Variants in RAB17 observed in about 807,000 individuals in gnomAD.
RAB17 encodes the protein RAB17, member RAS oncogene family, also known as ras-related protein Rab-17.
In RAB17, 15 loss-of-function variants were observed where a neutral mutation model predicts 19.3. That is an observed-to-expected ratio of 0.78 (90% CI 0.52 to 1.20). RAB17 has a LOEUF of 1.20. RAB17 is among the 50% of genes most tolerant of loss of function. The probability of loss-of-function intolerance (pLI) is 0.00; values close to 1 mark genes in which losing one functional copy is unlikely to be tolerated. For synonymous variants in RAB17, 110 were observed against 112.8 expected (o/e 0.97, Z 0.16); for missense variants, 262 against 269.3 (o/e 0.97, Z 0.19).
intron 2 of RAB17, among the ~76,000 whole-genome samples, chr2:237,582,523 G>A (rs569561616): frequency 2.0e-5 from 3 of 152,184 alleles, no homozygotes; most frequent in African/African-American, 7.2e-5. Context: ...CCCTCCCTCG[G>A]GGATCCTGCA....
At chr2:237,575,184 C>T in intron 5 of RAB17, 56 bp from the exon 6 acceptor site, 1 of 1,455,364 alleles carries the variant, frequency 6.9e-7, no homozygotes, top group Admixed American at 1.8e-5. Flanking sequence ...CAGCCCAGCA[C>T]AGCCCTGCAG....
At chr2:237,576,587 C>T (rs995623001) in intron 4 of RAB17, 6 of 471,146 alleles carry the variant, frequency 1.3e-5, no homozygotes, top group Admixed American at 4.7e-5. Context: ...GAGGCGCGCC[C>T]GTCGGTCTAA....
At chr2:237,577,817 C>G (rs577303552) in intron 3 of RAB17, 187 bp downstream of exon 3, 1 of 656,842 alleles carries the variant, frequency 1.5e-6, no homozygotes. Flanking sequence ...TTGTGGACCA[C>G]GGAGGAGCAG....
intron 5 of RAB17, 45 bp downstream of exon 5, chr2:237,575,342 G>T (rs370434872): frequency 4.0e-6 from 6 of 1,495,392 alleles, no homozygotes; most frequent in Non-Finnish European, 5.5e-6. Flanking sequence ...AGTTGGTCAG[G>T]GACAAGCACC....
intron 5 of RAB17, 99 bp downstream of exon 5, chr2:237,575,288 A>G: frequency 9.0e-7 from 1 of 1,110,378 alleles, no homozygotes; most frequent in Non-Finnish European, 1.3e-6. Context: ...GTCCCTAAAG[A>G]CATTCTATGG....
chr2:237,578,167 A>T lies in RAB17; in HGVS notation c.158-12T>A, dbSNP rs754746920. On this transcript the variant is annotated splice_polypyrimidine_tract_variant and intron_variant, in intron 2 of 5. Transcript: ENST00000264601. Reference sequence around the variant, plus strand: ...TGTGAAGAACGCACCTGAAACAGGGAGGCCCAGAGGGCTTACTCAGAGGAC... The same window carrying T: ...TGTGAAGAACGCACCTGAAACAGGGTGGCCCAGAGGGCTTACTCAGAGGAC... 6.2e-7 allele frequency: 1 copy of T among 1,603,560 alleles called. No homozygotes were observed. Among genetic ancestry groups the T allele is most frequent in the Non-Finnish European group, 8.5e-7 (1 of 1,171,810 alleles).
chr2:237,575,024 G>A lies in RAB17; in HGVS notation c.634C>T (p.His212Tyr), dbSNP rs745550540. Residue 212 changes from histidine (H) to tyrosine (Y), a missense_variant, in exon 6 of 6, where the codon CAC becomes TAC. Physicochemically the swap from His to Tyr is moderately conservative, Grantham distance 83 (BLOSUM62 2). Coordinates refer to ENST00000264601, the MANE Select transcript of RAB17 (RefSeq NM_022449.4). Reference protein sequence around the residue: ...GPARQAKCCAH With the variant: ...GPARQAKCCAY ...GCCCCCAGGAGTGGCTGCACCTAGT[G>A]GGCGCAGCATTTGGCCTGCCTCGCG... 13 of 1,607,922 alleles carry A rather than the reference G, an allele frequency of 8.1e-6. No individual in the cohort carries two copies. The African/African-American group carries it at 1.1e-4, about 13-fold the overall frequency.
chr2:237,576,242 C>T lies in RAB17; in HGVS notation c.436-762G>A, dbSNP rs114087631. Among the ~76,000 whole-genome samples the T allele has an allele frequency of 6.1e-3, 922 of 152,246 alleles. 2 individuals carry two copies. The highest frequency in any genetic ancestry group is 0.012 in the African/African-American group (490 of 41,564). ...CTCCTGTCCTGGCCCGGAGATCCCT[C>T]GGCCGGCCCTGCATTTGTCCCCACT... On this transcript the variant is annotated intron_variant, in intron 4 of 5. Transcript: ENST00000264601.
rs545195707 is a variant in RAB17, at chr2:237,575,665, G to T, written c.436-185C>A. On this transcript the variant is annotated intron_variant, in intron 4 of 5. Coordinates refer to ENST00000264601, the MANE Select transcript of RAB17 (RefSeq NM_022449.4). ...CCAGGACCAGGGAGGGGCGGGGTGTGCTCCCTGGAAGAGGCTCTTCCTCTA... is the reference window on the plus strand; with the variant it reads ...CCAGGACCAGGGAGGGGCGGGGTGTTCTCCCTGGAAGAGGCTCTTCCTCTA... 7.5e-5 allele frequency: 43 copies of T among 570,788 alleles called. No homozygotes were observed. In the South Asian group the frequency reaches 8.8e-4, roughly 12 times the overall value. The allele number at this position is 570,788 out of a possible 1,614,324, so 35.4% of individuals were successfully genotyped here. A position where few individuals can be genotyped will look rare whatever the true frequency, so the allele number is the denominator to read the frequency against.
At chr2:237,590,292 G>A (rs1387278467) in intron 1 of RAB17, among the ~76,000 whole-genome samples, 175 bp downstream of exon 1, 2 of 151,938 alleles carry the variant, frequency 1.3e-5, no homozygotes, top group Non-Finnish European at 2.9e-5. Flanking sequence ...CCCCAGCTTT[G>A]TCCTTTGATT....
In RAB17 at chr2:237,586,174, C is replaced by A. The variant is rs1427618115; in HGVS notation, c.-3-17G>T. The A allele has an allele frequency of 1.9e-6, 3 of 1,563,602 alleles. No homozygotes were observed. Among genetic ancestry groups the A allele is most frequent in the African/African-American group, 2.8e-5 (2 of 71,958 alleles). ...TGCCATGCCCTGCAAAGAATCACAA[C>A]CGTCTGAAGCAAGTGGAACATCGGA... On this transcript the variant is annotated splice_polypyrimidine_tract_variant and intron_variant, in intron 1 of 5. Transcript: ENST00000264601.
intron 2 of RAB17, 92 bp from the exon 3 acceptor site, chr2:237,578,247 G>A (rs1467248986): frequency 2.3e-6 from 3 of 1,296,006 alleles, no homozygotes; most frequent in Non-Finnish European, 2.1e-6. Context: ...GCACAGCAAT[G>A]GGCTCAGAGG....
chr2:237,580,278 GC>G (rs2081298310), intron 2 of RAB17, among the ~76,000 whole-genome samples: 2 of 152,162 alleles, frequency 1.3e-5, no homozygotes, highest in Admixed American at 1.3e-4. Flanking sequence ...TAAAACGTGG[GC>G]CTTTTATCCA....
chr2:237,583,382 G>A lies in RAB17; in HGVS notation c.157+2616C>T, dbSNP rs76655733. 1.1e-4 allele frequency among the ~76,000 whole-genome samples: 17 copies of A among 152,302 alleles called. No individual in the cohort carries two copies. The East Asian group carries it at 1.9e-3, about 17-fold the overall frequency. ...TGCATGACATCTATCCATAGTTACA[G>A]TAATATCTACCTCTAAAAGCTGTAA... On this transcript the variant is annotated intron_variant, in intron 2 of 5. Transcript: ENST00000264601.
At chr2:237,578,367 T>C (rs916936420) in intron 2 of RAB17, 2 of 499,978 alleles carry the variant, frequency 4.0e-6, no homozygotes, top group Non-Finnish European at 7.1e-6. Context: ...GTGATTGCTA[T>C]GGGGCCTTTG....
chr2:237,588,135 T>G (rs1460860981), intron 1 of RAB17, among the ~76,000 whole-genome samples: 1 of 152,200 alleles, frequency 6.6e-6, no homozygotes, highest in Non-Finnish European at 1.5e-5. Context: ...TAGTCCCCAG[T>G]GCAACCATGC....
chr2:237,580,849 G>T (rs1054378779), intron 2 of RAB17, among the ~76,000 whole-genome samples: 10 of 152,146 alleles, frequency 6.6e-5, no homozygotes, highest in Non-Finnish European at 1.3e-4. Flanking sequence ...ATGGGTTTTA[G>T]TCCAAGCAAT....
chr2:237,581,652 C>A (rs1162810183), intron 2 of RAB17, among the ~76,000 whole-genome samples: 1 of 152,182 alleles, frequency 6.6e-6, no homozygotes, highest in Non-Finnish European at 1.5e-5. Context: ...CTCTCTGTAG[C>A]ACTTGGCTGT....
At chr2:237,580,481 C>A (rs1169507192) in intron 2 of RAB17, among the ~76,000 whole-genome samples, 3 of 152,084 alleles carry the variant, frequency 2.0e-5, no homozygotes, top group Non-Finnish European at 4.4e-5. Flanking sequence ...TGGCTCATGC[C>A]TGTAATCCCA....
Sources: allele counts gnomAD v4.1 joint callset (sites outside exome capture counted in the v4.1 genomes callset), GRCh38; gene constraint gnomAD v4.1.1; transcripts MANE v1.5; gene names NCBI Gene and HGNC (gene_info 2026-07-23, HGNC 2026-07-21).